The following DET1 variants were observed in gnomAD, a reference collection of about 807,000 sequenced individuals.
DET1 encodes the protein DET1 partner of COP1 E3 ubiquitin ligase.
DET1 carries 22 observed loss-of-function variants against 43.7 expected under a neutral mutation model. The ratio of observed to expected loss-of-function variants is 0.50; its 90% CI spans 0.36 to 0.72. The LOEUF (loss-of-function observed/expected upper bound fraction) is 0.72. DET1 is among the 30% of genes least tolerant of loss of function. The pLI, the probability that DET1 is intolerant of heterozygous loss-of-function variation, is 0.00. For synonymous variants in DET1, 315 were observed against 266.2 expected (o/e 1.18, Z -1.79); for missense variants, 713 against 713.3 (o/e 1.00, Z 0.00).
At chr15:88,509,621 C>T (rs1010521101), downstream of DET1, among the ~76,000 whole-genome samples, 11 of 152,146 alleles carry the variant, frequency 7.2e-5, no homozygotes, top group African/African-American at 7.2e-5. Context: ...GGCTGAATAA[C>T]GAAAGACGAG....
chr15:88,545,538 C>A (rs1407340038), intron 1 of DET1, among the ~76,000 whole-genome samples: 1 of 152,212 alleles, frequency 6.6e-6, no homozygotes. Context: ...CTACTTTAAT[C>A]ACTGGGTTAG....
At chr15:88,535,475 G>T (rs2056924590) in intron 1 of DET1, among the ~76,000 whole-genome samples, 1 of 151,902 alleles carries the variant, frequency 6.6e-6, no homozygotes, top group South Asian at 2.1e-4. Context: ...GGCTGTAATA[G>T]TTGGTGGTGG....
At chr15:88,510,802 T>C (rs571629425), downstream of DET1, among the ~76,000 whole-genome samples, 3 of 149,786 alleles carry the variant, frequency 2.0e-5, no homozygotes, top group African/African-American at 7.3e-5. Context: ...AGTCTGGCTC[T>C]GTCCCCCAGG....
At chr15:88,505,738 G>A (rs2056133212) in intron 7 of DET1, 1 of 152,182 alleles carries the variant, frequency 6.6e-6, no homozygotes, top group African/African-American at 2.4e-5. Flanking sequence ...TTCATGAAAT[G>A]CAAATACTTT....
intron 1 of DET1, among the ~76,000 whole-genome samples, chr15:88,533,724 C>T (rs947356449): frequency 4.0e-5 from 6 of 151,258 alleles, no homozygotes; most frequent in South Asian, 4.2e-4. Flanking sequence ...AAGTATCAAA[C>T]GTAATCAAAT....
intron 1 of DET1, among the ~76,000 whole-genome samples, chr15:88,542,230 G>C (rs186931644): frequency 3.5e-4 from 54 of 152,224 alleles, no homozygotes; most frequent in Non-Finnish European, 4.4e-4. Context: ...TGCATTAACC[G>C]GTAGGCCTGA....
intron 2 of DET1, among the ~76,000 whole-genome samples, chr15:88,530,386 G>C (rs1199022707): frequency 6.6e-6 from 1 of 152,180 alleles, no homozygotes; most frequent in Non-Finnish European, 1.5e-5. Context: ...AGAAGAGTTA[G>C]GGTAGTAATC....
Position 88,512,964 on chromosome 15 carries a change from T to C in DET1, c.1640A>G (p.His547Arg). The change falls in exon 5 of 5, where the codon CAC becomes CGC. Residue 547 changes from histidine to arginine, a missense_variant. Transcript: ENST00000268148. Reference protein sequence around the residue: ...AEYVVNFHMRHCCT With the variant: ...AEYVVNFHMRRCCT ...CTGGTGAGGCACCTACGTGCAGCAG[T>C]GTCGCATATGGAAGTTGACAACATA... The C allele has an allele frequency of 6.2e-7, 1 of 1,613,988 alleles. No individual in the cohort carries two copies. The highest frequency in any genetic ancestry group is 8.5e-7 in the Non-Finnish European group (1 of 1,179,852).
At chr15:88,510,615 A>T (rs2056187194), downstream of DET1, among the ~76,000 whole-genome samples, 1 of 152,204 alleles carries the variant, frequency 6.6e-6, no homozygotes, top group Admixed American at 6.5e-5. Flanking sequence ...CAAAAGCAAT[A>T]CATATTGAGT....
intron 1 of DET1, among the ~76,000 whole-genome samples, chr15:88,535,600 A>G (rs1459194143): frequency 6.6e-6 from 1 of 152,096 alleles, no homozygotes; most frequent in Non-Finnish European, 1.5e-5. Context: ...TACTAAAAAT[A>G]CAAAAAGTAG....
chr15:88,529,397 C>T (rs2056752733), intron 2 of DET1, among the ~76,000 whole-genome samples: 1 of 152,106 alleles, frequency 6.6e-6, no homozygotes, highest in South Asian at 2.1e-4. Flanking sequence ...GACTTGACTG[C>T]AGGATCCCAT....
intron 3 of DET1, among the ~76,000 whole-genome samples, chr15:88,519,036 C>T (rs1007021951): frequency 6.7e-6 from 1 of 149,668 alleles, no homozygotes; most frequent in African/African-American, 2.5e-5. Flanking sequence ...CGGTTTTCAG[C>T]AAGACCTGGC....
At chr15:88,511,446 CATGCCTTTGT>C, downstream of DET1, 1 of 985,462 alleles carries the variant, frequency 1.0e-6, no homozygotes, top group Non-Finnish European at 1.2e-6. Context: ...TTCATACTTC[CATGCCTTTGT>C]ATATGCTGGG....
rs1475133961 is a variant in DET1, at chr15:88,531,428, G to C, written c.278C>G (p.Ala93Gly). The C allele has an allele frequency of 3.7e-6, 6 of 1,613,922 alleles. No individual in the cohort carries two copies. Among genetic ancestry groups the C allele is most frequent in the Non-Finnish European group, 5.1e-6 (6 of 1,179,904 alleles). The change falls in exon 2 of 5, where the codon GCA becomes GGA. Residue 93 changes from alanine (A) to glycine (G), a missense_variant. Ala to Gly is a moderately conservative substitution (Grantham distance 60). Coordinates refer to ENST00000268148, the MANE Select transcript of DET1 (RefSeq NM_001144074.3). This position sits in a 1 kb window ranked among gnomAD's most constrained non-coding sequence, Gnocchi z 6.2. The part of the protein sequence containing the change: ...EIYEYQGCQA[A>G]EDLLQGYEGE... Reference sequence around the variant, plus strand: ...TTCGTATCCCTGCAGTAGGTCCTCTGCTGCCTGGCAGCCCTGGTACTCATA... The same window carrying C: ...TTCGTATCCCTGCAGTAGGTCCTCTCCTGCCTGGCAGCCCTGGTACTCATA...
downstream of DET1, among the ~76,000 whole-genome samples, chr15:88,511,743 A>G (rs1053689667): frequency 8.5e-5 from 13 of 152,248 alleles, no homozygotes; most frequent in Non-Finnish European, 1.8e-4. Context: ...TAGCTACTCC[A>G]TTTTGATCAC....
At chr15:88,503,816 A>T (rs1216391627) in intron 8 of DET1, 1 of 152,104 alleles carries the variant, frequency 6.6e-6, no homozygotes, top group Non-Finnish European at 1.5e-5. Context: ...TGGACAACAT[A>T]GGAAGGCCCT....
At position 88,530,882 on chromosome 15, in the gene DET1, A is replaced by G. The variant is rs1380640367; in HGVS notation, c.824T>C (p.Val275Ala). The G allele has an allele frequency of 6.2e-7, 1 of 1,613,888 alleles. No homozygotes were observed. The highest frequency in any genetic ancestry group is 2.2e-5 in the East Asian group (1 of 44,888). Reference sequence around the variant, plus strand: ...CATGCCTGTCTGACTGTCCCGCTGTACCTCAGGGAAAACAGCTGACACAGT... The same window carrying G: ...CATGCCTGTCTGACTGTCCCGCTGTGCCTCAGGGAAAACAGCTGACACAGT... ...LLTVSAVFPE[V>A]QRDSQTGMAN... The change falls in exon 2 of 5, where the codon GTA becomes GCA. Residue 275 changes from valine to alanine, a missense_variant. Transcript: ENST00000268148.
chr15:88,515,567 A>AAAAAAAAAAAAAAAAAAC (rs1567058371), intron 4 of DET1, among the ~76,000 whole-genome samples: 1 of 149,728 alleles, frequency 6.7e-6, no homozygotes, highest in Non-Finnish European at 1.5e-5. Flanking sequence ...AAAAAAAAAA[A>AAAAAAAAAAAAAAAAAAC]AGACCGAAGG....
intron 1 of DET1, among the ~76,000 whole-genome samples, chr15:88,537,703 C>G (rs536442599): frequency 2.6e-5 from 4 of 152,294 alleles, no homozygotes; most frequent in African/African-American, 9.6e-5. Context: ...GTGTTTGACA[C>G]ATGGTAAGCC....
Sources: gnomAD v4.1 joint callset for allele counts (sites outside exome capture counted in the v4.1 genomes callset) on GRCh38, gnomAD v4.1.1 for gene constraint, Gnocchi (gnomAD v3.1) non-coding constraint, MANE v1.5 for transcripts, NCBI Gene and HGNC (gene_info 2026-07-23, HGNC 2026-07-21) for gene names.